Variants in PLCE1 observed in about 807,000 individuals in gnomAD.
The protein encoded by PLCE1 is phospholipase C epsilon 1, also known as 1-phosphatidylinositol 4,5-bisphosphate phosphodiesterase epsilon-1.
A neutral mutation model predicts 242.8 loss-of-function variants in PLCE1; 119 were observed. The observed-to-expected ratio is 0.49, with a 90% CI of 0.42 to 0.57. PLCE1 has a LOEUF of 0.57. Among genes scored for constraint, PLCE1 ranks in the 20% least tolerant of loss-of-function variants. The pLI is 0.00. For synonymous variants in PLCE1, 945 were observed against 1,017.4 expected (o/e 0.93, Z 1.35); for missense variants, 2,441 against 2,788.8 (o/e 0.88, Z 2.81).
At chr10:94,094,217 A>G (rs998251558) in intron 2 of PLCE1, among the ~76,000 whole-genome samples, 4 of 149,006 alleles carry the variant, frequency 2.7e-5, no homozygotes, top group Admixed American at 2.6e-4. Context: ...CTGGGATTAC[A>G]GGCGTGAGCC....
Position 94,273,645 on chromosome 10 carries a change from A to G in PLCE1, c.4590A>G (p.Gln1530=). 1 of 1,613,808 alleles carries G rather than the reference A, an allele frequency of 6.2e-7. No homozygotes were observed. The highest frequency in any genetic ancestry group is 8.5e-7 in the Non-Finnish European group (1 of 1,179,736). Residue 1530 remains glutamine, a synonymous_variant, in exon 19 of 33, where the codon CAA becomes CAG. Transcript: ENST00000371380. ...SDDPMLPSPD[Q]LRKKVLLKNK... ...ATCCAATGCTTCCTTCACCTGACCA[A>G]CTCAGAAAGAAAGTTCTTCTTAAAA... is the stretch of plus-strand genomic sequence containing the variant.
chr10:94,082,782 C>T (rs996993552), intron 2 of PLCE1, among the ~76,000 whole-genome samples: 2 of 152,030 alleles, frequency 1.3e-5, no homozygotes, highest in Non-Finnish European at 2.9e-5. Flanking sequence ...TCTAAAAGTT[C>T]CACTTATAAT....
At chr10:94,305,143 A>G (rs1475498691) in intron 25 of PLCE1, among the ~76,000 whole-genome samples, 1 of 152,070 alleles carries the variant, frequency 6.6e-6, no homozygotes, top group Admixed American at 6.6e-5. Context: ...TTAAAAACAG[A>G]CCTGGCCAGG....
intron 4 of PLCE1, among the ~76,000 whole-genome samples, chr10:94,215,515 G>A (rs1564796013): frequency 6.6e-6 from 1 of 152,048 alleles, no homozygotes; most frequent in South Asian, 2.1e-4. Flanking sequence ...GCTCAGGGAC[G>A]GCCTCCTGGA....
intron 2 of PLCE1, among the ~76,000 whole-genome samples, chr10:94,078,905 C>T (rs1034132197): frequency 2.0e-5 from 3 of 152,092 alleles, no homozygotes; most frequent in Non-Finnish European, 2.9e-5. Flanking sequence ...GTCTTTTTGT[C>T]TTAGTTTATC....
At chr10:94,235,784 G>T in intron 6 of PLCE1, 131 bp from the exon 7 acceptor site, 1 of 1,460,340 alleles carries the variant, frequency 6.8e-7, no homozygotes, top group African/African-American at 1.4e-5. Context: ...TTTCCTGGAG[G>T]CTCTTGTTTT....
At chr10:94,131,599 T>G (rs1234050542) in intron 2 of PLCE1, among the ~76,000 whole-genome samples, 1 of 152,180 alleles carries the variant, frequency 6.6e-6, no homozygotes, top group Non-Finnish European at 1.5e-5. Context: ...TGTCAACTTA[T>G]TGGATATGGG....
intron 28 of PLCE1, 28 bp from the exon 29 acceptor site, chr10:94,316,519 C>G: frequency 6.7e-7 from 1 of 1,483,438 alleles, no homozygotes; most frequent in Non-Finnish European, 9.4e-7. Context: ...TTGCCTCACT[C>G]CTCAGTTTGC....
Position 94,306,406 on chromosome 10 carries a change from C to G in PLCE1, c.5623-21C>G, listed in dbSNP as rs748818968. ...TTTTTATCCTCGGTGACTTTGATCC[C>G]TTTTGTCTCCCTCACCCTAGATTGT... On this transcript the variant is annotated intron_variant, in intron 25 of 32. Transcript: ENST00000371380. The surrounding 1 kb of genome is among the most constrained non-coding windows in gnomAD (Gnocchi z 5.7). 186 of 1,613,960 alleles carry G rather than the reference C, an allele frequency of 1.2e-4. No homozygotes were observed. The highest frequency in any genetic ancestry group is 1.5e-4 in the Non-Finnish European group (177 of 1,179,998).
chr10:94,077,429 T>A (rs2044536961), intron 2 of PLCE1, among the ~76,000 whole-genome samples: 1 of 152,208 alleles, frequency 6.6e-6, no homozygotes, highest in South Asian at 2.1e-4. Context: ...AATTCTATAG[T>A]GTGAATTTCT....
At chr10:94,074,397 G>A (rs1255719464) in intron 2 of PLCE1, among the ~76,000 whole-genome samples, 3 of 151,704 alleles carry the variant, frequency 2.0e-5, no homozygotes, top group Non-Finnish European at 4.4e-5. Context: ...TAGAGACAGG[G>A]TCTCCCTATG....
intron 2 of PLCE1, among the ~76,000 whole-genome samples, chr10:94,078,184 G>T (rs1000099984): frequency 1.3e-5 from 2 of 152,200 alleles, no homozygotes; most frequent in African/African-American, 4.8e-5. Flanking sequence ...GAATTCTAAA[G>T]CTCTTTCAGC....
intron 5 of PLCE1, 93 bp from the exon 6 acceptor site, chr10:94,233,961 G>A (rs2050231713): frequency 6.6e-6 from 8 of 1,214,212 alleles, no homozygotes; most frequent in Non-Finnish European, 9.4e-6. Context: ...AAAAAAAATG[G>A]TAAAAAGAAT....
At chr10:94,261,501 C>T (rs1222258573) in intron 13 of PLCE1, among the ~76,000 whole-genome samples, 2 of 152,174 alleles carry the variant, frequency 1.3e-5, no homozygotes, top group Admixed American at 1.3e-4. Context: ...GTTTTTCCAT[C>T]ATTTGGGTAA....
intron 2 of PLCE1, among the ~76,000 whole-genome samples, chr10:94,061,028 G>A (rs2044041892): frequency 6.6e-6 from 1 of 152,026 alleles, no homozygotes; most frequent in Non-Finnish European, 1.5e-5. Context: ...AAACCTTTCA[G>A]CATTTCTTAG....
In PLCE1 at chr10:94,198,486, G is replaced by C. The variant is rs554096310; in HGVS notation, c.1809+26990G>C. Reference sequence around the variant, plus strand: ...TACAATAGAATTTGCCTTTTGGCATGCAGTTTGAATTTTGACAATGCATAC... The same window carrying C: ...TACAATAGAATTTGCCTTTTGGCATCCAGTTTGAATTTTGACAATGCATAC... On this transcript the variant is annotated intron_variant, in intron 4 of 32. Transcript: ENST00000371380. Among the ~76,000 whole-genome samples, 11 of 152,170 alleles carry C rather than the reference G, an allele frequency of 7.2e-5. No homozygotes were observed. In the South Asian group the frequency reaches 2.1e-3, roughly 29 times the overall value.
rs982990454 is a variant in PLCE1, at chr10:94,274,123, C to G, written c.4665+403C>G. ...GCCCAAAAGCCATAGCCCTGTGATC[C>G]CAGCGTATCACTAGTTTATGCTGCT... On this transcript the variant is annotated intron_variant, in intron 19 of 32. Coordinates refer to ENST00000371380, the MANE Select transcript of PLCE1 (RefSeq NM_016341.4). Among the ~76,000 whole-genome samples, 15 of 152,040 alleles carry G rather than the reference C, an allele frequency of 9.9e-5. 1 individual carries two copies. Among genetic ancestry groups the G allele is most frequent in the African/African-American group, 3.6e-4 (15 of 41,406 alleles).
At chr10:94,027,102 C>T (rs562866994) in intron 1 of PLCE1, among the ~76,000 whole-genome samples, 1 of 152,286 alleles carries the variant, frequency 6.6e-6, no homozygotes, top group East Asian at 1.9e-4. Flanking sequence ...TTGCTCTTCC[C>T]TGAAAACTCC....
intron 2 of PLCE1, among the ~76,000 whole-genome samples, chr10:94,090,217 A>C (rs552992160): frequency 2.0e-5 from 3 of 152,086 alleles, no homozygotes; most frequent in Non-Finnish European, 4.4e-5. Context: ...AAACTTGAAA[A>C]CTGTTTTGTT....
Sources: allele counts gnomAD v4.1 joint callset (sites outside exome capture counted in the v4.1 genomes callset), GRCh38; gene constraint gnomAD v4.1.1; non-coding constraint Gnocchi (gnomAD v3.1); transcripts MANE v1.5; gene names NCBI Gene and HGNC (gene_info 2026-07-23, HGNC 2026-07-21).